ATG14: variants seen among roughly 807,000 people sequenced by gnomAD.
ATG14 encodes beclin 1-associated autophagy-related key regulator.
Under a neutral mutation model 60.4 loss-of-function variants are expected in ATG14, and 35 were observed. The observed-to-expected ratio is 0.58, with a 90% CI of 0.44 to 0.77. The LOEUF is 0.77. Among genes scored for constraint, ATG14 ranks in the 30% least tolerant of loss-of-function variants. The probability of loss-of-function intolerance (pLI) is 0.00; values close to 1 mark genes in which losing one functional copy is unlikely to be tolerated. For missense variants in ATG14, 647 were observed against 626.3 expected, an observed-to-expected ratio of 1.03 and a Z score of -0.35; for synonymous variants, 234 against 228.8, an observed-to-expected ratio of 1.02 and a Z score of -0.21.
chr14:55,387,441 A>T (rs1157165476), intron 4 of ATG14, among the ~76,000 whole-genome samples: 4 of 152,124 alleles, frequency 2.6e-5, no homozygotes, highest in African/African-American at 9.7e-5. Context: ...CCCCCTCCAT[A>T]AACACTCCCC....
chr14:55,407,925 C>T (rs906464674), intron 1 of ATG14, among the ~76,000 whole-genome samples: 3 of 151,980 alleles, frequency 2.0e-5, no homozygotes, highest in Non-Finnish European at 4.4e-5. Context: ...GCAGAAGAAA[C>T]GGCAAGGAAA....
chr14:55,408,774 A>AAAAAT (rs1415180633), intron 1 of ATG14, among the ~76,000 whole-genome samples: 6 of 152,208 alleles, frequency 3.9e-5, no homozygotes, highest in Non-Finnish European at 7.3e-5. Flanking sequence ...CTGTCTCAAA[A>AAAAAT]AAAATAAAAT....
chr14:55,383,989 CTT>C (rs1183903650), intron 5 of ATG14, among the ~76,000 whole-genome samples: 1 of 152,144 alleles, frequency 6.6e-6, no homozygotes, highest in Non-Finnish European at 1.5e-5. Flanking sequence ...GCCAGTGGTT[CTT>C]CGTATCTTTC....
At chr14:55,376,407 G>A (rs867759756) in intron 9 of ATG14, among the ~76,000 whole-genome samples, 3 of 152,180 alleles carry the variant, frequency 2.0e-5, no homozygotes, top group Non-Finnish European at 4.4e-5. Flanking sequence ...TAATGTTCAC[G>A]TTTCCATGGC....
intron 5 of ATG14, among the ~76,000 whole-genome samples, chr14:55,382,770 A>G (rs1036061961): frequency 4.6e-5 from 7 of 152,220 alleles, no homozygotes; most frequent in Non-Finnish European, 8.8e-5. Flanking sequence ...AGGGCTGAAC[A>G]TATAAGGTTC....
chr14:55,378,628 T>A (rs902261271), intron 7 of ATG14, among the ~76,000 whole-genome samples: 4 of 150,496 alleles, frequency 2.7e-5, no homozygotes, highest in African/African-American at 9.7e-5. Flanking sequence ...CCTCCCTCCC[T>A]CAGTTCCCCT....
At position 55,369,601 on chromosome 14, in the gene ATG14, T is replaced by C; in HGVS notation, c.*18A>G. The C allele has an allele frequency of 1.4e-6, 2 of 1,472,626 alleles. No individual in the cohort carries two copies. The highest frequency in any genetic ancestry group is 1.8e-6 in the Non-Finnish European group (2 of 1,107,288). 91.2% of individuals were successfully genotyped at this position (1,472,626 alleles called of 1,614,324 possible). ...GAACTTTCTTGATGCAGATTTGGTATGTTTTGGTCCATGCTCGTTAACGGT... is the reference window on the plus strand; with the variant it reads ...GAACTTTCTTGATGCAGATTTGGTACGTTTTGGTCCATGCTCGTTAACGGT... On this transcript the variant is annotated 3_prime_UTR_variant, in exon 10 of 10. Transcript: ENST00000247178.
chr14:55,382,292 A>G, intron 5 of ATG14, 101 bp from the exon 6 acceptor site: 4 of 968,002 alleles, frequency 4.1e-6, no homozygotes, highest in Non-Finnish European at 6.2e-6. Flanking sequence ...GCTGCCTATG[A>G]GCACAGAAAT....
chr14:55,394,787 G>A (rs1206828241), intron 3 of ATG14, among the ~76,000 whole-genome samples: 1 of 152,124 alleles, frequency 6.6e-6, no homozygotes, highest in East Asian at 1.9e-4. Flanking sequence ...TGACTCCATA[G>A]TGCCATTTAG....
Position 55,411,595 on chromosome 14 carries a change from G to A in ATG14, c.221+7C>T, listed in dbSNP as rs764952607. 6.8e-5 allele frequency: 109 copies of A among 1,602,736 alleles called. No homozygotes were observed. Among genetic ancestry groups the A allele is most frequent in the Middle Eastern group, 1.7e-4 (1 of 5,926 alleles). The stretch of plus-strand genomic sequence containing the variant: ...AAGAAACAATAGGGCCGTGGCGGCC[G>A]CCGTACCTCTCCCGGTCGCGGCCGT... On this transcript the variant is annotated splice_region_variant and intron_variant, in intron 1 of 9. Transcript: ENST00000247178.
chr14:55,394,070 A>C (rs8022041), intron 3 of ATG14, among the ~76,000 whole-genome samples: 2 of 149,322 alleles, frequency 1.3e-5, no homozygotes, highest in South Asian at 2.1e-4. Context: ...ACAGTGGCGC[A>C]ATCTCGGCTC....
rs1296983519 is a variant in ATG14 at position 55,370,032 on chromosome 14, C to T, written c.1173-107G>A. The T allele has an allele frequency of 2.2e-5, 24 of 1,067,578 alleles. 1 individual carries two copies. The South Asian group carries it at 3.8e-4, about 17-fold the overall frequency. The allele number at this position is 1,067,578 out of a possible 1,614,324, so 66.1% of individuals were successfully genotyped here. A position where few individuals can be genotyped will look rare whatever the true frequency, so the allele number is the denominator to read the frequency against. On this transcript the variant is annotated intron_variant, in intron 9 of 9. Coordinates refer to ENST00000247178, the MANE Select transcript of ATG14 (RefSeq NM_014924.5). ...ACCTGAGGGGATGAGGGACGCCGCA[C>T]ACCCCATTCATTCCCCAAGTCTATG...
intron 9 of ATG14, 138 bp from the exon 10 acceptor site, chr14:55,370,063 C>G: frequency 1.4e-6 from 1 of 694,348 alleles, no homozygotes; most frequent in Non-Finnish European, 2.2e-6. Context: ...CTATGCAGCA[C>G]TCCGTGTTGA....
Position 55,390,899 on chromosome 14 carries a change from C to G in ATG14, c.409+12G>C. ...CTTTCTAGGGCTGGAAGGAAGGACA[C>G]GAATTACTTACTTTTCTCCATTTCT... On this transcript the variant is annotated intron_variant, in intron 4 of 9. Transcript: ENST00000247178. 1.9e-6 allele frequency: 3 copies of G among 1,551,360 alleles called. No individual in the cohort carries two copies. The highest frequency in any genetic ancestry group is 2.7e-6 in the Non-Finnish European group (3 of 1,131,874).
At chr14:55,409,755 T>C (rs938918021) in intron 1 of ATG14, among the ~76,000 whole-genome samples, 2 of 152,146 alleles carry the variant, frequency 1.3e-5, no homozygotes, top group African/African-American at 2.4e-5. Flanking sequence ...ACAGATAATA[T>C]AGAACTTTGG....
At position 55,369,820 on chromosome 14, in the gene ATG14, A is replaced by T. The variant is rs1594774426; in HGVS notation, c.1278T>A (p.Asp426Glu). ...AGTCTGTGCCCAGGTCGGTTTCTTC[A>T]TCGCTGACGCGCTCATCTCCGCTCT... ...SDESGDERVS[D>E]EETDLGTDWE... The change falls in exon 10 of 10, where the codon GAT becomes GAA. Residue 426 changes from aspartate to glutamate, a missense_variant. By Grantham distance (45) the Asp-to-Glu change is conservative. Transcript: ENST00000247178. The T allele has an allele frequency of 6.2e-7, 1 of 1,614,182 alleles. No individual in the cohort carries two copies.
In ATG14 at chr14:55,368,376, C is replaced by A. The variant is rs1459291885; in HGVS notation, c.*1243G>T. 1 of 152,272 alleles carries A rather than the reference C, an allele frequency of 6.6e-6. No homozygotes were observed. The allele number at this position is 152,272 out of a possible 1,614,324, so 9.4% of individuals were successfully genotyped here. A position where few individuals can be genotyped will look rare whatever the true frequency, so the allele number is the denominator to read the frequency against. The stretch of plus-strand genomic sequence containing the variant: ...CTGGGATTACAGGCGTGCGCCACCA[C>A]ACCCGGTAATTTTTTGTATTTTTAG... On this transcript the variant is annotated 3_prime_UTR_variant, in exon 10 of 10. Transcript: ENST00000247178.
intron 2 of ATG14, 65 bp from the exon 3 acceptor site, chr14:55,396,047 G>A (rs1350013128): frequency 1.6e-6 from 2 of 1,286,314 alleles, no homozygotes; most frequent in Non-Finnish European, 2.2e-6. Flanking sequence ...GTTCAAAAAT[G>A]TAAAATCAAA....
At chr14:55,375,288 T>C (rs1884896108) in intron 9 of ATG14, among the ~76,000 whole-genome samples, 1 of 152,168 alleles carries the variant, frequency 6.6e-6, no homozygotes, top group Non-Finnish European at 1.5e-5. Context: ...TCCAAACTGG[T>C]TGTTGTTGGC....
Sources: allele counts gnomAD v4.1 joint callset (sites outside exome capture counted in the v4.1 genomes callset), GRCh38; gene constraint gnomAD v4.1.1; transcripts MANE v1.5; gene names NCBI Gene and HGNC (gene_info 2026-07-23, HGNC 2026-07-21).